CROCC2: variants seen among roughly 807,000 people sequenced by gnomAD.
CROCC2 encodes the protein ciliary rootlet coiled-coil, rootletin family member 2, also known as ciliary rootlet coiled-coil protein 2.
CROCC2 carries 163 observed loss-of-function variants against 177.6 expected under a neutral mutation model. The observed-to-expected ratio is 0.92, with a 90% CI of 0.81 to 1.05. The LOEUF is 1.05. Ranked by LOEUF, CROCC2 falls within the 50% of genes least tolerant of loss-of-function variation. The pLI, the probability that CROCC2 is intolerant of heterozygous loss-of-function variation, is 0.00. For synonymous variants in CROCC2, 904 were observed against 787.3 expected (o/e 1.15, Z -2.48); for missense variants, 1,929 against 1,797.8 (o/e 1.07, Z -1.32).
chr2:240,914,467 C>A (rs1226891137), intron 1 of CROCC2, among the ~76,000 whole-genome samples: 1 of 152,218 alleles, frequency 6.6e-6, no homozygotes, highest in Non-Finnish European at 1.5e-5. Context: ...TCCGAGATGC[C>A]GTCCAAACCC....
chr2:240,931,112 G>T lies in CROCC2; in HGVS notation c.931G>T (p.Val311Leu), dbSNP rs1443337793. Residue 311 changes from valine to leucine, a missense_variant, in exon 7 of 32, where the codon GTG becomes TTG. Coordinates refer to ENST00000690015, the MANE Select transcript of CROCC2 (RefSeq NM_001351305.2). Reference protein sequence around the residue: ...QLQGRWDAEKVALQARLSEQT... With the variant: ...QLQGRWDAEKLALQARLSEQT... ...GCAGGGCCGCTGGGACGCAGAGAAGGTGGCGCTCCAGGCCAGGTGGGCGCC... is the reference window on the plus strand; with the variant it reads ...GCAGGGCCGCTGGGACGCAGAGAAGTTGGCGCTCCAGGCCAGGTGGGCGCC... 1.4e-6 allele frequency: 1 copy of T among 713,790 alleles called. No homozygotes were observed. The highest frequency in any genetic ancestry group is 1.7e-5 in the African/African-American group (1 of 57,166). The allele number at this position is 713,790 out of a possible 1,614,324, so 44.2% of individuals were successfully genotyped here. A position where few individuals can be genotyped will look rare whatever the true frequency, so the allele number is the denominator to read the frequency against.
chr2:240,954,853 C>T (rs955307001), intron 18 of CROCC2: 1 of 152,138 alleles, frequency 6.6e-6, no homozygotes, highest in African/African-American at 2.4e-5. Context: ...CCCAGGGGCC[C>T]GCCAGGACTA....
intron 20 of CROCC2, among the ~76,000 whole-genome samples, chr2:240,961,662 TAC>T (rs1460516385): frequency 1.0e-3 from 99 of 99,052 alleles, no homozygotes; most frequent in African/African-American, 3.0e-3. Flanking sequence ...CACACACACG[TAC>T]ACACACACGT....
chr2:240,981,100 G>A (rs530407780), intron 27 of CROCC2, among the ~76,000 whole-genome samples: 1 of 133,780 alleles, frequency 7.5e-6, no homozygotes, highest in Non-Finnish European at 1.6e-5. Context: ...TCCCTGCTCA[G>A]TCTCTGGGGT....
chr2:240,934,877 GCTGAAGGTCCCTCC>G (rs2059457535), intron 12 of CROCC2, 25 bp from the exon 13 acceptor site: 5 of 1,456,432 alleles, frequency 3.4e-6, no homozygotes, highest in Non-Finnish European at 3.6e-6. Context: ...TGCCCTGGAA[GCTGAAGGTCCCTCC>G]CTGGCATCCC....
At chr2:240,967,538 G>C (rs1361068004) in intron 26 of CROCC2, 73 bp downstream of exon 26, 2 of 1,533,036 alleles carry the variant, frequency 1.3e-6, no homozygotes, top group African/African-American at 1.4e-5. Flanking sequence ...CCCCACTGCT[G>C]CCGGCTATAA....
chr2:240,955,717 A>G (rs965704893), intron 18 of CROCC2, 142 bp from the exon 19 acceptor site: 3 of 603,982 alleles, frequency 5.0e-6, no homozygotes, highest in Non-Finnish European at 8.8e-6. Flanking sequence ...AGTGGCAGGG[A>G]TGTGCAGACA....
At chr2:240,981,601 G>C (rs548435062) in intron 27 of CROCC2, 1 of 152,220 alleles carries the variant, frequency 6.6e-6, no homozygotes, top group South Asian at 2.1e-4. Flanking sequence ...AAATATTTAA[G>C]CCATATTTGC....
chr2:240,965,583 C>A (rs1292832144), intron 23 of CROCC2, 53 bp from the exon 24 acceptor site: 1 of 1,549,282 alleles, frequency 6.5e-7, no homozygotes, highest in African/African-American at 1.4e-5. Flanking sequence ...GGAGGAGGCC[C>A]ACCCCACTTC....
rs553865470 is a variant in CROCC2, at chr2:240,933,242, G to A, written c.1363G>A (p.Ala455Thr). 1.2e-5 allele frequency: 18 copies of A among 1,549,338 alleles called. No homozygotes were observed. Among genetic ancestry groups the A allele is most frequent in the Middle Eastern group, 1.8e-4 (1 of 5,544 alleles). The change falls in exon 10 of 32, where the codon GCT becomes ACT. Residue 455 changes from alanine (A) to threonine (T), a missense_variant. This residue lies in a region of CROCC2 where 1,397 missense variants were observed against 1,239.9 expected (regional missense o/e 1.13). Transcript: ENST00000690015. ...CGCACAGAAGCTCCAGCAGGAGCGG[G>A]CTCGGGAGCAGGCACGGGAACGAGA... The part of the protein sequence containing the change: ...WAAQKLQQER[A>T]REQAREREAL...
chr2:240,946,799 A>G (rs1281775206), intron 15 of CROCC2, among the ~76,000 whole-genome samples: 1 of 152,200 alleles, frequency 6.6e-6, no homozygotes, highest in South Asian at 2.1e-4. Context: ...GCTGTGTGAC[A>G]TCCCTGTACC....
intron 4 of CROCC2, among the ~76,000 whole-genome samples, chr2:240,925,516 G>A (rs368597716): frequency 3.3e-5 from 5 of 152,308 alleles, no homozygotes; most frequent in East Asian, 3.9e-4. Context: ...GCACCTGGGA[G>A]AGCCACCTTG....
chr2:240,912,417 G>A (rs1574741358), intron 1 of CROCC2, among the ~76,000 whole-genome samples: 2 of 152,192 alleles, frequency 1.3e-5, no homozygotes, highest in South Asian at 2.1e-4. Context: ...CCAACTCCCT[G>A]CTCAACTTGA....
chr2:240,984,726 A>C (rs372140034), intron 28 of CROCC2, among the ~76,000 whole-genome samples: 8 of 12,820 alleles, frequency 6.2e-4, no homozygotes, highest in Admixed American at 1.0e-3. Flanking sequence ...CAGGCACTCA[A>C]TCCACACACA....
At position 240,968,273 on chromosome 2, in the gene CROCC2, C is replaced by T. The variant is rs78922927; in HGVS notation, c.4401+11C>T. The T allele has an allele frequency of 7.2e-3, 10,968 of 1,522,848 alleles. 476 individuals are homozygous for T. The East Asian group carries it at 0.12, about 17-fold the overall frequency. 94.3% of individuals were successfully genotyped at this position (1,522,848 alleles called of 1,614,324 possible). A position where few individuals can be genotyped will look rare whatever the true frequency, so the allele number is the denominator to read the frequency against. On this transcript the variant is annotated intron_variant, in intron 27 of 31. Transcript: ENST00000690015. ...AAGCGGCGGCTGCAGGTGGGGCAGG[C>T]GGCAGGGTGGGTCCCAGGTGGGGCA...
Position 240,958,638 on chromosome 2 carries a change from G to A in CROCC2, c.2944-663G>A, listed in dbSNP as rs1457608343. Reference sequence around the variant, plus strand: ...GGTCCAGTCCCCTGAACCCAGGGGTGCAGAGCCTGAGCAGGGCAGGGCTCG... The same window carrying A: ...GGTCCAGTCCCCTGAACCCAGGGGTACAGAGCCTGAGCAGGGCAGGGCTCG... On this transcript the variant is annotated intron_variant, in intron 19 of 31. Coordinates refer to ENST00000690015, the MANE Select transcript of CROCC2 (RefSeq NM_001351305.2). The surrounding 1 kb of genome is among the most constrained non-coding windows in gnomAD (Gnocchi z 6.7). 2.1e-6 allele frequency: 2 copies of A among 972,742 alleles called. No homozygotes were observed. Among genetic ancestry groups the A allele is most frequent in the African/African-American group, 1.8e-5 (1 of 56,908 alleles). The allele number at this position is 972,742 out of a possible 1,614,324, so 60.3% of individuals were successfully genotyped here. A position where few individuals can be genotyped will look rare whatever the true frequency, so the allele number is the denominator to read the frequency against.
intron 22 of CROCC2, 67 bp from the exon 23 acceptor site, chr2:240,965,314 G>C (rs1159239661): frequency 2.6e-6 from 4 of 1,535,242 alleles, no homozygotes; most frequent in African/African-American, 1.4e-5. Flanking sequence ...GAGGCAGGAG[G>C]CAGGGAGGCT....
chr2:240,914,502 G>A (rs1463499391), intron 1 of CROCC2, among the ~76,000 whole-genome samples: 37 of 152,234 alleles, frequency 2.4e-4, no homozygotes, highest in Admixed American at 2.4e-3. Flanking sequence ...CGTTCTACAA[G>A]AGCAGGACCT....
Position 240,949,759 on chromosome 2 carries a change from A to G in CROCC2, c.2652+57A>G. ...CTAGAAGGCTACCAGGTCCCGGGGA[A>G]TGGCAGGCCCTTGGGAGGAGGGGGC... is the stretch of plus-strand genomic sequence containing the variant. On this transcript the variant is annotated intron_variant, in intron 17 of 31. Transcript: ENST00000690015. This position sits in a 1 kb window ranked among gnomAD's most constrained non-coding sequence, Gnocchi z 4.5. 1 of 1,477,104 alleles carries G rather than the reference A, an allele frequency of 6.8e-7. No individual in the cohort carries two copies. Among genetic ancestry groups the G allele is most frequent in the Non-Finnish European group, 9.1e-7 (1 of 1,102,152 alleles). 91.5% of individuals were successfully genotyped at this position (1,477,104 alleles called of 1,614,324 possible).
Sources: gnomAD v4.1 joint callset for allele counts (sites outside exome capture counted in the v4.1 genomes callset) on GRCh38, gnomAD v4.1.1 for gene constraint, gnomAD v4.1.1 regional missense constraint, Gnocchi (gnomAD v3.1) non-coding constraint, MANE v1.5 for transcripts, NCBI Gene and HGNC (gene_info 2026-07-23, HGNC 2026-07-21) for gene names.